CPLANE1: variants seen among roughly 807,000 people sequenced by gnomAD.
CPLANE1 encodes the protein ciliogenesis and planar polarity effector 1.
A neutral mutation model predicts 362.5 loss-of-function variants in CPLANE1; 263 were observed. The ratio of observed to expected loss-of-function variants is 0.73; its 90% CI spans 0.66 to 0.80. The LOEUF (loss-of-function observed/expected upper bound fraction) is 0.80. Among genes scored for constraint, CPLANE1 ranks in the 30% least tolerant of loss-of-function variants. The pLI is 0.00. For synonymous variants in CPLANE1, 1,212 were observed against 1,302.6 expected (o/e 0.93, Z 1.50); for missense variants, 3,461 against 3,793.4 (o/e 0.91, Z 2.30).
At chr5:37,119,511 A>G (rs6889320) in intron 50 of CPLANE1, among the ~76,000 whole-genome samples, 187 of 152,012 alleles carry the variant, frequency 1.2e-3, no homozygotes, top group African/African-American at 4.2e-3. Context: ...TCTCTTCTAA[A>G]AATACAAAAT....
In CPLANE1 at chr5:37,239,715, TGGG is replaced by T; in HGVS notation, c.829_831del (p.Pro277del). 1 of 1,505,768 alleles carries T rather than the reference TGGG, an allele frequency of 6.6e-7. No homozygotes were observed. Among genetic ancestry groups the T allele is most frequent in the Non-Finnish European group, 8.9e-7 (1 of 1,122,748 alleles). The allele number at this position is 1,505,768 out of a possible 1,614,324, so 93.3% of individuals were successfully genotyped here. ...TTCTAAGACAGATATTTACTGACCT[TGGG>T]GTCTTTCTGATTAAGAGTTACTGCC... On this transcript the variant is annotated inframe_deletion, in exon 7 of 53. Transcript: ENST00000651892.
In CPLANE1 at chr5:37,106,484, C is replaced by T. The variant is rs527778284; in HGVS notation, c.*1118G>A. On this transcript the variant is annotated 3_prime_UTR_variant, in exon 53 of 53. Coordinates refer to ENST00000651892, the MANE Select transcript of CPLANE1 (RefSeq NM_001384732.1). Reference sequence around the variant, plus strand: ...AACTATCATGTATCAATAAAATACCCATAGAATATACAAAAAAGAAACTAA... The same window carrying T: ...AACTATCATGTATCAATAAAATACCTATAGAATATACAAAAAAGAAACTAA... 1.6e-5 allele frequency: 6 copies of T among 375,568 alleles called. No homozygotes were observed. The highest frequency in any genetic ancestry group is 2.2e-5 in the Non-Finnish European group (6 of 272,500). The allele number at this position is 375,568 out of a possible 1,614,324, so 23.3% of individuals were successfully genotyped here.
At chr5:37,237,914 C>G (rs1004588837) in intron 8 of CPLANE1, among the ~76,000 whole-genome samples, 1 of 151,742 alleles carries the variant, frequency 6.6e-6, no homozygotes, top group African/African-American at 2.4e-5. Context: ...CATGATGGCT[C>G]AGGCCTGTAA....
chr5:37,182,959 C>A lies in CPLANE1; in HGVS notation c.5222G>T (p.Gly1741Val), dbSNP rs1783079007. ...EDLPLALNTF[G>V]SIGRLLEWMI... Reference sequence around the variant, plus strand: ...CCATTCCAGCAGTCTTCCTATACTGCCAAAAGTGTTTAGTGCTAAAGGAAG... The same window carrying A: ...CCATTCCAGCAGTCTTCCTATACTGACAAAAGTGTTTAGTGCTAAAGGAAG... The change falls in exon 26 of 53, where the codon GGC becomes GTC. Residue 1741 changes from glycine (G) to valine (V), a missense_variant. This residue lies in a region of CPLANE1 where 3,380 missense variants were observed against 3,666.1 expected (regional missense o/e 0.92). Coordinates refer to ENST00000651892, the MANE Select transcript of CPLANE1 (RefSeq NM_001384732.1). The A allele has an allele frequency of 6.2e-7, 1 of 1,605,712 alleles. No individual in the cohort carries two copies. Among genetic ancestry groups the A allele is most frequent in the African/African-American group, 1.3e-5 (1 of 74,560 alleles).
At chr5:37,139,968 T>C (rs1769166598) in intron 44 of CPLANE1, 12 of 975,194 alleles carry the variant, frequency 1.2e-5, no homozygotes, top group South Asian at 4.7e-5. Flanking sequence ...TTATAAAATA[T>C]ACACAAACAA....
intron 46 of CPLANE1, among the ~76,000 whole-genome samples, chr5:37,127,515 A>AT (rs556523898): frequency 0.019 from 2,579 of 133,980 alleles, 37 homozygotes; most frequent in African/African-American, 0.032. Flanking sequence ...TTTTTATTTA[A>AT]TTTTTTTTTT....
chr5:37,132,184 T>C (rs6873601), intron 46 of CPLANE1, among the ~76,000 whole-genome samples: 3 of 152,128 alleles, frequency 2.0e-5, no homozygotes, highest in African/African-American at 7.2e-5. Context: ...GTACAATATT[T>C]TCTGGTAATA....
intron 42 of CPLANE1, among the ~76,000 whole-genome samples, chr5:37,151,712 G>A (rs1337462031): frequency 6.6e-6 from 1 of 152,178 alleles, no homozygotes; most frequent in East Asian, 1.9e-4. Flanking sequence ...CTTTGATGCT[G>A]TACATTTATT....
the CPLANE1 span, among the ~76,000 whole-genome samples, chr5:37,079,845 T>C: frequency 6.6e-6 from 1 of 152,180 alleles, no homozygotes; most frequent in African/African-American, 2.4e-5. Flanking sequence ...AAGCAAGACA[T>C]AAAGCATAGT....
Position 37,238,950 on chromosome 5 carries a change from A to T in CPLANE1, c.845T>A (p.Val282Glu). 14 of 1,489,518 alleles carry T rather than the reference A, an allele frequency of 9.4e-6. No individual in the cohort carries two copies. The highest frequency in any genetic ancestry group is 1.2e-5 in the Non-Finnish European group (13 of 1,116,588). The allele number at this position is 1,489,518 out of a possible 1,614,324, so 92.3% of individuals were successfully genotyped here. A position where few individuals can be genotyped will look rare whatever the true frequency, so the allele number is the denominator to read the frequency against. ...AAAATTCAGTGTGTTTATAAATAAT[A>T]CCTGAGTTGCCTAGAAAGGAAAAAA... ...LNQKDPKATQ[V>E]LFINTLNFVT... Residue 282 changes from valine (V) to glutamate (E), a missense_variant, in exon 8 of 53, where the codon GTA (valine) becomes GAA (glutamate). Physicochemically the swap from Val to Glu is moderately radical, Grantham distance 121. Transcript: ENST00000651892.
chr5:37,086,612 G>T, the CPLANE1 span, among the ~76,000 whole-genome samples: 1 of 152,182 alleles, frequency 6.6e-6, no homozygotes, highest in Non-Finnish European at 1.5e-5. Context: ...TTGTGGGCAG[G>T]ATAACGCTCT....
At chr5:37,193,924 CTTT>C (rs746454996) in intron 21 of CPLANE1, among the ~76,000 whole-genome samples, 3 of 136,566 alleles carry the variant, frequency 2.2e-5, no homozygotes. Flanking sequence ...CTTTTTTTTT[CTTT>C]TTTTTTTTTT....
chr5:37,230,794 T>G (rs1797568776), intron 9 of CPLANE1, 73 bp downstream of exon 9: 3 of 1,073,616 alleles, frequency 2.8e-6, no homozygotes, highest in Non-Finnish European at 3.7e-6. Flanking sequence ...AAATTTTTTT[T>G]GAATACACAG....
intron 19 of CPLANE1, among the ~76,000 whole-genome samples, chr5:37,201,259 A>AT (rs1159836766): frequency 6.6e-6 from 1 of 152,042 alleles, no homozygotes; most frequent in African/African-American, 2.4e-5. Flanking sequence ...ATTAAGATTA[A>AT]TTGTGCTATA....
the CPLANE1 span, among the ~76,000 whole-genome samples, chr5:37,077,606 C>CTTTTT: frequency 6.6e-5 from 5 of 75,914 alleles, no homozygotes; most frequent in African/African-American, 1.9e-4. Context: ...GTGTGTGTGT[C>CTTTTT]TTTTTTTTTT....
chr5:37,138,603 AT>A (rs911024454), intron 46 of CPLANE1, 116 bp downstream of exon 46: 24 of 1,145,644 alleles, frequency 2.1e-5, no homozygotes, highest in Non-Finnish European at 3.1e-5. Context: ...TGAAAAAAAA[AT>A]CTATTCTAAG....
chr5:37,116,454 C>T (rs1049539532), intron 50 of CPLANE1, among the ~76,000 whole-genome samples: 3 of 141,012 alleles, frequency 2.1e-5, no homozygotes, highest in African/African-American at 8.1e-5. Flanking sequence ...CCACTGCACT[C>T]CAGTCTGGGT....
In CPLANE1 at chr5:37,223,417, A is replaced by G. The variant is rs528087529; in HGVS notation, c.2581+836T>C. The stretch of plus-strand genomic sequence containing the variant: ...ACTTGAAGGTAAAGTTGTTTATTTC[A>G]GTTATCCCTAGTGCCTAATACAGTG... On this transcript the variant is annotated intron_variant, in intron 14 of 52. Transcript: ENST00000651892. Among the ~76,000 whole-genome samples the G allele has an allele frequency of 2.3e-4, 35 of 152,374 alleles. No homozygotes were observed. The South Asian group carries it at 7.2e-3, about 32-fold the overall frequency.
downstream of CPLANE1, among the ~76,000 whole-genome samples, chr5:37,101,565 C>CT (rs577207365): frequency 6.6e-6 from 1 of 152,036 alleles, no homozygotes; most frequent in South Asian, 2.1e-4. Flanking sequence ...CTGAAGTTTT[C>CT]TTTTTTTGTC....
Sources: allele counts gnomAD v4.1 joint callset (sites outside exome capture counted in the v4.1 genomes callset), GRCh38; gene constraint gnomAD v4.1.1; regional missense constraint gnomAD v4.1.1; transcripts MANE v1.5; gene names NCBI Gene and HGNC (gene_info 2026-07-23, HGNC 2026-07-21).